Variants in GRM8 observed in about 807,000 individuals in gnomAD.
The protein encoded by GRM8 is glutamate metabotropic receptor 8.
In GRM8, 47 loss-of-function variants were observed where a neutral mutation model predicts 87.2. The observed-to-expected ratio is 0.54, with a 90% CI of 0.43 to 0.69. GRM8 has a LOEUF of 0.69. GRM8 is among the 30% of genes least tolerant of loss of function. The probability of loss-of-function intolerance (pLI) is 0.00; values close to 1 mark genes in which losing one functional copy is unlikely to be tolerated. For synonymous variants in GRM8, 396 were observed against 404.5 expected (o/e 0.98, Z 0.25); for missense variants, 1,019 against 1,139.2 (o/e 0.89, Z 1.52).
intron 7 of GRM8, among the ~76,000 whole-genome samples, chr7:126,683,903 A>G (rs1807887503): frequency 6.6e-6 from 1 of 152,176 alleles, no homozygotes; most frequent in African/African-American, 2.4e-5. Context: ...TTTGTGTGAG[A>G]TAGCATTAAA....
At chr7:126,581,120 T>C (rs1296583860) in intron 8 of GRM8, among the ~76,000 whole-genome samples, 1 of 152,016 alleles carries the variant, frequency 6.6e-6, no homozygotes, top group East Asian at 1.9e-4. Context: ...AGCTATCATC[T>C]TGAAAGTTAT....
At chr7:127,037,209 A>G (rs1817928606) in intron 3 of GRM8, among the ~76,000 whole-genome samples, 1 of 152,192 alleles carries the variant, frequency 6.6e-6, no homozygotes, top group Non-Finnish European at 1.5e-5. Flanking sequence ...CTAGGAAAAA[A>G]ATATACAACC....
At chr7:127,229,830 G>A (rs1797570953) in intron 2 of GRM8, 1 of 152,158 alleles carries the variant, frequency 6.6e-6, no homozygotes, top group South Asian at 2.1e-4. Context: ...ATACTCAAGG[G>A]TTAGGAAAAT....
intron 10 of GRM8, among the ~76,000 whole-genome samples, chr7:126,440,662 G>GTT (rs1287940002): frequency 1.3e-5 from 2 of 152,026 alleles, no homozygotes; most frequent in African/African-American, 4.8e-5. Context: ...ATTCAGGACA[G>GTT]TAACATGCTG....
intron 7 of GRM8, among the ~76,000 whole-genome samples, chr7:126,734,443 AT>A (rs1161788445): frequency 6.6e-6 from 1 of 151,650 alleles, no homozygotes. Flanking sequence ...AAAATAGACA[AT>A]TCATAGCAGA....
chr7:127,199,232 G>A (rs1372931406), intron 2 of GRM8, among the ~76,000 whole-genome samples: 2 of 152,160 alleles, frequency 1.3e-5, no homozygotes, highest in Non-Finnish European at 2.9e-5. Flanking sequence ...AAGTGCAGGT[G>A]TTACAGGCAT....
chr7:126,805,654 G>A (rs1792601408), intron 6 of GRM8, among the ~76,000 whole-genome samples: 1 of 152,184 alleles, frequency 6.6e-6, no homozygotes, highest in African/African-American at 2.4e-5. Context: ...TCTGAACTCA[G>A]CTATCTTTTC....
chr7:126,695,800 T>C (rs1326741696), intron 7 of GRM8, among the ~76,000 whole-genome samples: 4 of 152,072 alleles, frequency 2.6e-5, no homozygotes, highest in Non-Finnish European at 5.9e-5. Flanking sequence ...CTGGCCACAA[T>C]TACGTAAAAA....
intron 2 of GRM8, among the ~76,000 whole-genome samples, chr7:127,221,020 T>G (rs1291006388): frequency 6.6e-6 from 1 of 152,112 alleles, no homozygotes; most frequent in Non-Finnish European, 1.5e-5. Context: ...GTCCCCAAAG[T>G]CACCTGCCTG....
At position 127,157,151 on chromosome 7, in the gene GRM8, G is replaced by C. The variant is rs970088103; in HGVS notation, c.511-50439C>G. On this transcript the variant is annotated intron_variant, in intron 2 of 10. Transcript: ENST00000339582. The stretch of plus-strand genomic sequence containing the variant: ...GGTCTAACAAGGAAAAGAAGGAAGA[G>C]AGGAAGGGAGAGAGGGAGGGAAGGA... 2.0e-5 allele frequency among the ~76,000 whole-genome samples: 3 copies of C among 151,370 alleles called. No individual in the cohort carries two copies. In the East Asian group the frequency reaches 5.8e-4, roughly 29 times the overall value.
intron 3 of GRM8, among the ~76,000 whole-genome samples, chr7:127,102,558 C>A (rs1825392021): frequency 6.6e-6 from 1 of 152,168 alleles, no homozygotes; most frequent in Non-Finnish European, 1.5e-5. Flanking sequence ...CTCAGAGGGC[C>A]CCAGATATTG....
intron 3 of GRM8, among the ~76,000 whole-genome samples, chr7:127,032,732 C>A (rs980893773): frequency 1.3e-5 from 2 of 152,146 alleles, no homozygotes; most frequent in Non-Finnish European, 2.9e-5. Context: ...AGAACTCCAA[C>A]TCTCCCCAGT....
intron 6 of GRM8, among the ~76,000 whole-genome samples, chr7:126,784,871 T>C (rs560786760): frequency 6.6e-6 from 1 of 152,234 alleles, no homozygotes; most frequent in South Asian, 2.1e-4. Flanking sequence ...ACAGCTCAGG[T>C]CTAAACAATA....
rs578245333 is a variant in GRM8 at position 127,151,491 on chromosome 7, G to A, written c.511-44779C>T. 1.5e-4 allele frequency among the ~76,000 whole-genome samples: 23 copies of A among 152,210 alleles called. No homozygotes were observed. In the Middle Eastern group the frequency reaches 0.017, roughly 113 times the overall value. On this transcript the variant is annotated intron_variant, in intron 2 of 10. Transcript: ENST00000339582. ...AACACCCCAAAACCCAATTATGGATGGTTGTGAAAAGCCATGTCAAATTAA... is the reference window on the plus strand; with the variant it reads ...AACACCCCAAAACCCAATTATGGATAGTTGTGAAAAGCCATGTCAAATTAA...
chr7:126,601,762 C>T (rs1299070067), intron 8 of GRM8, among the ~76,000 whole-genome samples: 1,689 of 142,372 alleles, frequency 0.012, 8 homozygotes, highest in Middle Eastern at 0.035. Flanking sequence ...GTCCTTTGCC[C>T]ACTTTTTGAT....
intron 9 of GRM8, among the ~76,000 whole-genome samples, chr7:126,509,385 C>G (rs1303339925): frequency 6.6e-6 from 1 of 151,886 alleles, no homozygotes; most frequent in African/African-American, 2.4e-5. Flanking sequence ...ATATATTTGT[C>G]CAGGTAATGG....
intron 7 of GRM8, among the ~76,000 whole-genome samples, chr7:126,711,149 T>C (rs1174421486): frequency 3.3e-5 from 5 of 152,222 alleles, no homozygotes; most frequent in African/African-American, 1.2e-4. Flanking sequence ...CACTCCAGCC[T>C]GGATATCACA....
At position 127,153,158 on chromosome 7, in the gene GRM8, G is replaced by A. The variant is rs143696109; in HGVS notation, c.511-46446C>T. On this transcript the variant is annotated intron_variant, in intron 2 of 10. Coordinates refer to ENST00000339582, the MANE Select transcript of GRM8 (RefSeq NM_000845.3). ...GACCACTTGGGACATTGAGAGGAAG[G>A]ATTCATTAATGAAGTGTGAAGCTCA... 2.6e-5 allele frequency among the ~76,000 whole-genome samples: 4 copies of A among 152,188 alleles called. No homozygotes were observed. In the East Asian group the frequency reaches 7.7e-4, roughly 29 times the overall value.
chr7:127,151,227 C>CT lies in GRM8; in HGVS notation c.511-44516dup, dbSNP rs533083743. The stretch of plus-strand genomic sequence containing the variant: ...ATGTTTTTAGTCCTCACAGGTTATG[C>CT]TATTCCAGATCCTTCTCCAGCCTTG... On this transcript the variant is annotated intron_variant, in intron 2 of 10. Coordinates refer to ENST00000339582, the MANE Select transcript of GRM8 (RefSeq NM_000845.3). Among the ~76,000 whole-genome samples, 178 of 152,028 alleles carry CT rather than the reference C, an allele frequency of 1.2e-3. 1 individual carries two copies. The highest frequency in any genetic ancestry group is 4.3e-3 in the African/African-American group (177 of 41,502).
Sources: allele counts gnomAD v4.1 joint callset (sites outside exome capture counted in the v4.1 genomes callset), GRCh38; gene constraint gnomAD v4.1.1; transcripts MANE v1.5; gene names NCBI Gene and HGNC (gene_info 2026-07-23, HGNC 2026-07-21).